OAS3: variants seen among roughly 807,000 people sequenced by gnomAD.
The protein encoded by OAS3 is 2'-5'-oligoadenylate synthetase 3.
Under a neutral mutation model 113.0 loss-of-function variants are expected in OAS3, and 107 were observed. That is an observed-to-expected ratio of 0.95 (90% CI 0.81 to 1.11). The LOEUF (loss-of-function observed/expected upper bound fraction) is 1.11. Among genes scored for constraint, OAS3 ranks in the 50% most tolerant of loss-of-function variants. The probability of loss-of-function intolerance (pLI) is 0.00; values close to 1 mark genes in which losing one functional copy is unlikely to be tolerated. For synonymous variants in OAS3, 552 were observed against 573.6 expected (o/e 0.96, Z 0.54); for missense variants, 1,258 against 1,389.1 (o/e 0.91, Z 1.50).
chr12:112,939,059 C>T (rs1386652480), intron 1 of OAS3, among the ~76,000 whole-genome samples: 6 of 152,254 alleles, frequency 3.9e-5, no homozygotes, highest in African/African-American at 1.4e-4. Context: ...ACTCATTCTC[C>T]CAGTCATTCA....
chr12:112,942,734 T>C (rs1454470093), intron 2 of OAS3, among the ~76,000 whole-genome samples: 1 of 151,236 alleles, frequency 6.6e-6, no homozygotes, highest in East Asian at 1.9e-4. Context: ...TAAGAATGTC[T>C]AGCATGTGAT....
chr12:112,941,759 C>A lies in OAS3; in HGVS notation c.367C>A (p.Gln123Lys), dbSNP rs753381534. 6.2e-6 allele frequency: 10 copies of A among 1,614,038 alleles called. No homozygotes were observed. In the South Asian group the frequency reaches 9.9e-5, roughly 16 times the overall value. Residue 123 changes from glutamine to lysine, a missense_variant, in exon 2 of 16, where the codon CAG becomes AAG. Gln to Lys is a moderately conservative substitution (Grantham distance 53). Coordinates refer to ENST00000228928, the MANE Select transcript of OAS3 (RefSeq NM_006187.4). The stretch of plus-strand genomic sequence containing the variant: ...TGGTCTGAGACTCACGTTTCCTGAG[C>A]AGAGCGTGCCTGGGGCCCTGCAGTT... ...VPGLRLTFPEQSVPGALQFRL... is the reference protein window; with the variant it reads ...VPGLRLTFPEKSVPGALQFRL...
At chr12:112,947,048 A>G in intron 4 of OAS3, 67 bp downstream of exon 4, 2 of 1,352,292 alleles carry the variant, frequency 1.5e-6, no homozygotes, top group Non-Finnish European at 2.1e-6. Context: ...TGACAAGGAC[A>G]AAACCGGTTA....
At chr12:112,961,351 T>C in intron 8 of OAS3, 105 bp downstream of exon 8, 1 of 1,069,904 alleles carries the variant, frequency 9.3e-7, no homozygotes, top group African/African-American at 1.6e-5. Context: ...TTGCTTCTTA[T>C]TGGTCATCCA....
chr12:112,960,125 C>T (rs895986426), intron 7 of OAS3, among the ~76,000 whole-genome samples: 6 of 152,026 alleles, frequency 3.9e-5, no homozygotes, highest in Non-Finnish European at 8.8e-5. Context: ...TGTGGAAGTT[C>T]CTTGTGCCCT....
At position 112,957,402 on chromosome 12, in the gene OAS3, C is replaced by T. The variant is rs539500169; in HGVS notation, c.1658-3669C>T. On this transcript the variant is annotated intron_variant, in intron 7 of 15. Coordinates refer to ENST00000228928, the MANE Select transcript of OAS3 (RefSeq NM_006187.4). Reference sequence around the variant, plus strand: ...TATGATGTTGGCTGGTTATTTTGCTCGTTAGTTGATGCAGTTTCTTCCTAG... The same window carrying T: ...TATGATGTTGGCTGGTTATTTTGCTTGTTAGTTGATGCAGTTTCTTCCTAG... Among the ~76,000 whole-genome samples the T allele has an allele frequency of 2.0e-5, 3 of 152,260 alleles. No homozygotes were observed. In the South Asian group the frequency reaches 6.2e-4, roughly 32 times the overall value.
chr12:112,940,411 C>G (rs1234390630), intron 1 of OAS3, among the ~76,000 whole-genome samples: 1 of 152,152 alleles, frequency 6.6e-6, no homozygotes, highest in Non-Finnish European at 1.5e-5. Flanking sequence ...AGCCTCACTC[C>G]CCATATCTGC....
At position 112,962,510 on chromosome 12, in the gene OAS3, C is replaced by T. The variant is rs541601484; in HGVS notation, c.1834-142C>T. Reference sequence around the variant, plus strand: ...CCTCCTCTGAACCTCAGTTTACCCACCTGTAAAATGAGAAGCATCAGCAAG... The same window carrying T: ...CCTCCTCTGAACCTCAGTTTACCCATCTGTAAAATGAGAAGCATCAGCAAG... On this transcript the variant is annotated intron_variant, in intron 8 of 15. Transcript: ENST00000228928. The T allele has an allele frequency of 2.1e-5, 21 of 1,004,852 alleles. No individual in the cohort carries two copies. The South Asian group carries it at 3.1e-4, about 15-fold the overall frequency. 62.2% of individuals were successfully genotyped at this position (1,004,852 alleles called of 1,614,324 possible).
chr12:112,950,827 G>A lies in OAS3; in HGVS notation c.1509G>A (p.Gln503=). The A allele has an allele frequency of 6.2e-7, 1 of 1,614,034 alleles. No individual in the cohort carries two copies. The highest frequency in any genetic ancestry group is 8.5e-7 in the Non-Finnish European group (1 of 1,179,888). The change falls in exon 7 of 16, where the codon CAG becomes CAA. Residue 503 remains glutamine (Q), a synonymous_variant. Coordinates refer to ENST00000228928, the MANE Select transcript of OAS3 (RefSeq NM_006187.4). ...RAEILDEMRA[Q]LESWWQDQVP... ...AGATCCTTGATGAGATGCGAGCGCA[G>A]CTAGAATCCTGGTGGCAGGACCAGG...
At chr12:112,941,879 G>T (rs1467731763) in intron 2 of OAS3, 27 bp downstream of exon 2, 2 of 1,613,892 alleles carry the variant, frequency 1.2e-6, no homozygotes, top group Non-Finnish European at 1.7e-6. Flanking sequence ...CCATTCCAGG[G>T]TTGGGGGCAA....
chr12:112,942,264 TCTC>T (rs1168128531), intron 2 of OAS3: 10 of 383,606 alleles, frequency 2.6e-5, no homozygotes, highest in African/African-American at 2.0e-4. Flanking sequence ...ATTTTTGTGT[TCTC>T]CTTCGTAATA....
In OAS3 at chr12:112,946,751, A is replaced by G; in HGVS notation, c.645A>G (p.Leu215=). ...LVKHWYHQVC[L]QGLWKETLPP... ...CCGATGCCCTCTCACAGGTGTGCCT[A>G]CAGGGGTTGTGGAAGGAGACGCTGC... Residue 215 remains leucine (L), a synonymous_variant, in exon 4 of 16, where the codon CTA becomes CTG. Coordinates refer to ENST00000228928, the MANE Select transcript of OAS3 (RefSeq NM_006187.4). The G allele has an allele frequency of 6.2e-7, 1 of 1,609,300 alleles. No homozygotes were observed. Among genetic ancestry groups the G allele is most frequent in the Non-Finnish European group, 8.5e-7 (1 of 1,177,964 alleles).
chr12:112,951,070 C>A, intron 7 of OAS3, 95 bp downstream of exon 7: 2 of 1,297,882 alleles, frequency 1.5e-6, no homozygotes, highest in Non-Finnish European at 2.1e-6. Context: ...TCCTAATTCT[C>A]CTACTTGACC....
chr12:112,953,174 T>C (rs1009744640), intron 7 of OAS3, among the ~76,000 whole-genome samples: 23 of 151,842 alleles, frequency 1.5e-4, no homozygotes, highest in South Asian at 1.0e-3. Flanking sequence ...TGTGTGATGT[T>C]CCCCACCCCG....
At chr12:112,943,431 C>T (rs368542447) in intron 2 of OAS3, among the ~76,000 whole-genome samples, 30 of 152,258 alleles carry the variant, frequency 2.0e-4, no homozygotes, top group South Asian at 1.0e-3. Flanking sequence ...AGCAGGCAAG[C>T]GGTAGCAGCA....
chr12:112,947,312 C>T (rs1485747608), intron 4 of OAS3, among the ~76,000 whole-genome samples: 3 of 152,172 alleles, frequency 2.0e-5, no homozygotes, highest in Non-Finnish European at 2.9e-5. Flanking sequence ...TTCCAGCACC[C>T]CACTGGTCCC....
rs550605445 is a variant in OAS3, at chr12:112,963,690, C to G, written c.2229+233C>G. On this transcript the variant is annotated intron_variant, in intron 10 of 15. Transcript: ENST00000228928. This position sits in a 1 kb window ranked among gnomAD's most constrained non-coding sequence, Gnocchi z 4.6. ...GCCTAACTCTGTCTCCAGGCGGAACCGATTCTGTGATGCAACTCACGTTCC... is the reference window on the plus strand; with the variant it reads ...GCCTAACTCTGTCTCCAGGCGGAACGGATTCTGTGATGCAACTCACGTTCC... 1.3e-5 allele frequency among the ~76,000 whole-genome samples: 2 copies of G among 152,162 alleles called. No homozygotes were observed. The highest frequency in any genetic ancestry group is 1.3e-4 in the Admixed American group (2 of 15,278).
In OAS3 at chr12:112,968,161, C is replaced by T. The variant is rs200315889; in HGVS notation, c.3091C>T (p.Leu1031Phe). Residue 1031 changes from leucine to phenylalanine, a missense_variant, in exon 14 of 16, where the codon CTT becomes TTT. Physicochemically the swap from Leu to Phe is conservative, Grantham distance 22. Transcript: ENST00000228928. ...TGTTGGAGACTTCCTGAAACAGCAG[C>T]TTCAGAAGCCCAGGTTCAGGTCTAC... ...KTVGDFLKQQ[L>F]QKPRPIILDP... 6.2e-7 allele frequency: 1 copy of T among 1,612,852 alleles called. No individual in the cohort carries two copies. The highest frequency in any genetic ancestry group is 1.1e-5 in the South Asian group (1 of 90,952).
chr12:112,970,033 G>T lies in OAS3; in HGVS notation c.*60G>T, dbSNP rs377262638. The T allele has an allele frequency of 4.4e-6, 7 of 1,585,072 alleles. No homozygotes were observed. The highest frequency in any genetic ancestry group is 6.0e-6 in the Non-Finnish European group (7 of 1,163,482). The stretch of plus-strand genomic sequence containing the variant: ...GAAGATGGACACCAGCCCTCAGCAT[G>T]AGGAAATTCAGGGTCCCCTACCAGA... On this transcript the variant is annotated 3_prime_UTR_variant, in exon 16 of 16. Transcript: ENST00000228928.
Sources: gnomAD v4.1 joint callset for allele counts (sites outside exome capture counted in the v4.1 genomes callset) on GRCh38, gnomAD v4.1.1 for gene constraint, Gnocchi (gnomAD v3.1) non-coding constraint, MANE v1.5 for transcripts, NCBI Gene and HGNC (gene_info 2026-07-23, HGNC 2026-07-21) for gene names.